Variants in PGM5 observed in about 807,000 individuals in gnomAD.
PGM5 encodes phosphoglucomutase 5.
In PGM5, 23 loss-of-function variants were observed where a neutral mutation model predicts 59.2. The ratio of observed to expected loss-of-function variants is 0.39; its 90% CI spans 0.28 to 0.55. The LOEUF is 0.55. Among genes scored for constraint, PGM5 ranks in the 20% least tolerant of loss-of-function variants. The pLI is 0.66. For synonymous variants in PGM5, 214 were observed against 286.0 expected, an observed-to-expected ratio of 0.75 and a Z score of 2.54; for missense variants, 574 against 748.3, an observed-to-expected ratio of 0.77 and a Z score of 2.72.
intron 6 of PGM5, among the ~76,000 whole-genome samples, chr9:68,418,646 A>G (rs781788270): frequency 2.8e-4 from 42 of 151,196 alleles, no homozygotes; most frequent in Non-Finnish European, 4.7e-4. Flanking sequence ...TGGCAGGACG[A>G]CTTGACTGGC....
chr9:68,438,043 T>C (rs1297522094), intron 6 of PGM5, among the ~76,000 whole-genome samples: 1 of 152,074 alleles, frequency 6.6e-6, no homozygotes, highest in Non-Finnish European at 1.5e-5. Context: ...ATCCCAGCAC[T>C]GTGGGAGGCT....
intron 6 of PGM5, among the ~76,000 whole-genome samples, chr9:68,443,175 G>A (rs556031730): frequency 1.3e-5 from 2 of 152,256 alleles, no homozygotes; most frequent in East Asian, 3.9e-4. Context: ...TCTATACAAT[G>A]GAATACTACT....
chr9:68,522,514 G>A (rs937709670), intron 10 of PGM5, among the ~76,000 whole-genome samples: 19 of 152,194 alleles, frequency 1.2e-4, no homozygotes, highest in African/African-American at 3.4e-4. Flanking sequence ...CTGGCGTAGC[G>A]AGGAAGTTAA....
intron 10 of PGM5, among the ~76,000 whole-genome samples, chr9:68,515,027 T>C (rs1423734796): frequency 3.3e-5 from 5 of 152,202 alleles, no homozygotes; most frequent in East Asian, 3.8e-4. Context: ...AAAATAACAG[T>C]GGATGAGGTA....
intron 6 of PGM5, among the ~76,000 whole-genome samples, chr9:68,452,129 A>T (rs908466810): frequency 6.6e-6 from 1 of 152,020 alleles, no homozygotes; most frequent in African/African-American, 2.4e-5. Flanking sequence ...TGGGATTTTG[A>T]CCTAAAGGGA....
chr9:68,468,291 A>G (rs1554686007), intron 7 of PGM5, among the ~76,000 whole-genome samples: 1 of 152,132 alleles, frequency 6.6e-6, no homozygotes, highest in Non-Finnish European at 1.5e-5. Context: ...TATATAGACT[A>G]TTGTTCCCAT....
At chr9:68,380,820 A>G (rs1822054301) in intron 2 of PGM5, among the ~76,000 whole-genome samples, 1 of 151,942 alleles carries the variant, frequency 6.6e-6, no homozygotes, top group Admixed American at 6.6e-5. Flanking sequence ...ATGCCAACAA[A>G]TTGGAGGACC....
Position 68,401,933 on chromosome 9 carries a change from A to G in PGM5, c.1043+9460A>G, listed in dbSNP as rs77013026. ...TGTGTGTGTGTGTGTGTGTGTGTAT[A>G]TATTTGTCAAGGCTCATGAAACTGT... On this transcript the variant is annotated intron_variant, in intron 6 of 10. Transcript: ENST00000396396. 0.024 allele frequency among the ~76,000 whole-genome samples: 3,353 copies of G among 138,442 alleles called. 163 individuals are homozygous for G. The East Asian group carries it at 0.3, about 12-fold the overall frequency. 90.8% of individuals were successfully genotyped at this position (138,442 alleles called of 152,430 possible).
rs545315008 is a variant in PGM5 at position 68,420,658 on chromosome 9, G to A, written c.1043+28185G>A. On this transcript the variant is annotated intron_variant, in intron 6 of 10. Coordinates refer to ENST00000396396, the MANE Select transcript of PGM5 (RefSeq NM_021965.4). ...GTATAGCCTTGTTTATTAATCTATG[G>A]CCAGATGTGGTACCTTAGAGCCTAT... Among the ~76,000 whole-genome samples, 13 of 152,206 alleles carry A rather than the reference G, an allele frequency of 8.5e-5. No individual in the cohort carries two copies. In the East Asian group the frequency reaches 2.5e-3, roughly 29 times the overall value.
intron 1 of PGM5, among the ~76,000 whole-genome samples, chr9:68,368,045 G>A (rs1433057603): frequency 2.0e-5 from 3 of 152,190 alleles, no homozygotes; most frequent in Non-Finnish European, 4.4e-5. Context: ...CTATTAAGGT[G>A]CAGTGCCAGA....
intron 1 of PGM5, among the ~76,000 whole-genome samples, chr9:68,366,037 G>A (rs1330346833): frequency 1.6e-4 from 25 of 152,160 alleles, no homozygotes; most frequent in Middle Eastern, 3.4e-3. Flanking sequence ...TTGTAAAAAA[G>A]ATGAAATTAC....
chr9:68,476,060 C>G (rs1370332104), intron 7 of PGM5, among the ~76,000 whole-genome samples: 1 of 152,122 alleles, frequency 6.6e-6, no homozygotes, highest in East Asian at 1.9e-4. Flanking sequence ...TTTCTTTATT[C>G]TCTTATCTAC....
At chr9:68,493,530 G>A (rs892745267) in intron 9 of PGM5, among the ~76,000 whole-genome samples, 9 of 152,212 alleles carry the variant, frequency 5.9e-5, no homozygotes, top group Non-Finnish European at 1.2e-4. Flanking sequence ...CCTTGAGCAA[G>A]TGTTTTAACT....
chr9:68,410,974 C>T (rs1822919486), intron 6 of PGM5, among the ~76,000 whole-genome samples: 2 of 152,170 alleles, frequency 1.3e-5, no homozygotes, highest in South Asian at 4.1e-4. Context: ...GAGATTTCCT[C>T]ATGGAAAGGC....
intron 6 of PGM5, among the ~76,000 whole-genome samples, chr9:68,453,569 T>C (rs1327050122): frequency 6.6e-6 from 1 of 152,216 alleles, no homozygotes; most frequent in Admixed American, 6.5e-5. Flanking sequence ...ACTCCTGGGC[T>C]CAAGCTATCC....
chr9:68,423,900 C>G (rs1564001930), intron 6 of PGM5, among the ~76,000 whole-genome samples: 1 of 152,092 alleles, frequency 6.6e-6, no homozygotes, highest in Non-Finnish European at 1.5e-5. Context: ...ATTAGAGAAA[C>G]AGAATGTACC....
chr9:68,365,865 G>A (rs1200912570), intron 1 of PGM5, among the ~76,000 whole-genome samples: 1 of 152,136 alleles, frequency 6.6e-6, no homozygotes, highest in Non-Finnish European at 1.5e-5. Flanking sequence ...ATACTGGAAG[G>A]AGAGTTTTAC....
At chr9:68,433,365 G>T (rs1554683167) in intron 6 of PGM5, among the ~76,000 whole-genome samples, 4 of 152,176 alleles carry the variant, frequency 2.6e-5, no homozygotes. Context: ...CAATTTCAGA[G>T]AATTATTTAG....
intron 1 of PGM5, among the ~76,000 whole-genome samples, chr9:68,372,442 A>G (rs147340061): frequency 0.052 from 7,932 of 151,964 alleles, 227 homozygotes; most frequent in African/African-American, 0.074. Context: ...CAAATTAACC[A>G]ATCTACCACC....
Sources: gnomAD v4.1 joint callset for allele counts (sites outside exome capture counted in the v4.1 genomes callset) on GRCh38, gnomAD v4.1.1 for gene constraint, MANE v1.5 for transcripts, NCBI Gene and HGNC (gene_info 2026-07-23, HGNC 2026-07-21) for gene names.